SLCO1A2: variants seen among roughly 807,000 people sequenced by gnomAD.
The protein encoded by SLCO1A2 is solute carrier organic anion transporter family member 1A2, also known as OATP-1.
Under a neutral mutation model 69.0 loss-of-function variants are expected in SLCO1A2, and 67 were observed. That is an observed-to-expected ratio of 0.97 (90% CI 0.80 to 1.19). SLCO1A2 has a LOEUF of 1.19. Ranked by LOEUF, SLCO1A2 falls within the 50% of genes most tolerant of loss-of-function variation. SLCO1A2 has a pLI of 0.00. For synonymous variants in SLCO1A2, 260 were observed against 265.9 expected (o/e 0.98, Z 0.22); for missense variants, 787 against 793.7 (o/e 0.99, Z 0.10).
chr12:21,281,344 G>A (rs1944751359), intron 12 of SLCO1A2, among the ~76,000 whole-genome samples: 1 of 152,168 alleles, frequency 6.6e-6, no homozygotes, highest in South Asian at 2.1e-4. Context: ...CAACTTCTCA[G>A]GAGGCTGAGG....
At chr12:21,308,562 T>C (rs1949716087) in intron 4 of SLCO1A2, among the ~76,000 whole-genome samples, 1 of 152,130 alleles carries the variant, frequency 6.6e-6, no homozygotes, top group Admixed American at 6.5e-5. Context: ...CTCCAGAGTC[T>C]GGAGAGGCAC....
At chr12:21,414,356 AGTAGT>A (rs1941958834) in intron 1 of SLCO1A2, among the ~76,000 whole-genome samples, 1 of 151,746 alleles carries the variant, frequency 6.6e-6, no homozygotes, top group African/African-American at 2.4e-5. Context: ...CATGTTGCTA[AGTAGT>A]GTTTTCTTAT....
chr12:21,407,768 C>T (rs1372181387), intron 1 of SLCO1A2, among the ~76,000 whole-genome samples: 1 of 150,976 alleles, frequency 6.6e-6, no homozygotes, highest in Non-Finnish European at 1.5e-5. Flanking sequence ...GATTGTGCTA[C>T]TGTACCCCAA....
intron 2 of SLCO1A2, among the ~76,000 whole-genome samples, chr12:21,327,278 G>A (rs140520099): frequency 1.4e-4 from 21 of 152,292 alleles, no homozygotes; most frequent in African/African-American, 5.1e-4. Flanking sequence ...GAGGTATGCT[G>A]CAGAGGCAGG....
At chr12:21,410,221 A>T (rs1286678745) in intron 1 of SLCO1A2, among the ~76,000 whole-genome samples, 1 of 152,196 alleles carries the variant, frequency 6.6e-6, no homozygotes. Flanking sequence ...TCTTCCGCTT[A>T]TCATTCCCTT....
intron 1 of SLCO1A2, among the ~76,000 whole-genome samples, chr12:21,388,418 A>C (rs1940993485): frequency 6.6e-6 from 1 of 152,102 alleles, no homozygotes; most frequent in African/African-American, 2.4e-5. Context: ...GGTTTTTCCC[A>C]TGCCGTTCTT....
chr12:21,332,510 G>A (rs1272558692), intron 2 of SLCO1A2, among the ~76,000 whole-genome samples: 1 of 152,022 alleles, frequency 6.6e-6, no homozygotes, highest in Non-Finnish European at 1.5e-5. Context: ...AAAGAGAGGA[G>A]GGTATAAAGA....
upstream of SLCO1A2, among the ~76,000 whole-genome samples, chr12:21,336,938 T>C (rs1952910803): frequency 6.6e-6 from 1 of 152,038 alleles, no homozygotes; most frequent in Non-Finnish European, 1.5e-5. Flanking sequence ...ATCATGTTAT[T>C]TCCCTAACTC....
At chr12:21,325,786 CCT>C (rs1952177895) in intron 2 of SLCO1A2, among the ~76,000 whole-genome samples, 1 of 152,148 alleles carries the variant, frequency 6.6e-6, no homozygotes, top group Non-Finnish European at 1.5e-5. Flanking sequence ...TGGGGTGAGT[CCT>C]CTGACTCCCT....
At chr12:21,377,761 A>G (rs1449843519) in intron 1 of SLCO1A2, among the ~76,000 whole-genome samples, 1 of 152,008 alleles carries the variant, frequency 6.6e-6, no homozygotes. Flanking sequence ...CTTGCATAAC[A>G]CTCCTGATTC....
intron 2 of SLCO1A2, among the ~76,000 whole-genome samples, chr12:21,321,302 G>T (rs1951589566): frequency 6.6e-6 from 1 of 152,074 alleles, no homozygotes; most frequent in Admixed American, 6.6e-5. Context: ...TCTTTAGGAA[G>T]TTCATGCTCA....
intron 4 of SLCO1A2, among the ~76,000 whole-genome samples, chr12:21,307,318 A>C (rs1949543139): frequency 6.6e-6 from 1 of 152,226 alleles, no homozygotes; most frequent in African/African-American, 2.4e-5. Flanking sequence ...AAACTTTAAA[A>C]AATGTGACAT....
intron 12 of SLCO1A2, among the ~76,000 whole-genome samples, chr12:21,277,120 C>T (rs1425185306): frequency 2.6e-5 from 4 of 152,082 alleles, no homozygotes; most frequent in Non-Finnish European, 5.9e-5. Context: ...CAGCTTGTGG[C>T]TCCAAAAGAG....
At chr12:21,349,296 ACT>A (rs1337431359) in intron 2 of SLCO1A2, among the ~76,000 whole-genome samples, 2 of 151,858 alleles carry the variant, frequency 1.3e-5, no homozygotes, top group African/African-American at 4.8e-5. Flanking sequence ...AAAGATAGAG[ACT>A]CTTAAGAGCA....
At chr12:21,411,636 T>C (rs1941908537) in intron 1 of SLCO1A2, among the ~76,000 whole-genome samples, 1 of 152,196 alleles carries the variant, frequency 6.6e-6, no homozygotes, top group African/African-American at 2.4e-5. Flanking sequence ...TTTATGACCG[T>C]TACTTACATT....
intron 9 of SLCO1A2, among the ~76,000 whole-genome samples, chr12:21,296,067 G>A (rs948980100): frequency 2.6e-5 from 4 of 152,256 alleles, no homozygotes; most frequent in East Asian, 1.9e-4. Flanking sequence ...TATAGGCAGA[G>A]ATCATGATAA....
chr12:21,291,395 A>G (rs537256006), intron 12 of SLCO1A2, among the ~76,000 whole-genome samples: 1 of 152,340 alleles, frequency 6.6e-6, no homozygotes, highest in Non-Finnish European at 1.5e-5. Context: ...AGGGAATTGA[A>G]TAGAAATAAA....
intron 12 of SLCO1A2, among the ~76,000 whole-genome samples, chr12:21,287,044 A>G (rs1945951244): frequency 7.7e-6 from 1 of 130,234 alleles, no homozygotes; most frequent in South Asian, 2.6e-4. Flanking sequence ...TCTGCACAGC[A>G]AAAGAAACTA....
chr12:21,386,141 G>A (rs967483977), intron 1 of SLCO1A2, among the ~76,000 whole-genome samples: 1 of 152,202 alleles, frequency 6.6e-6, no homozygotes, highest in Admixed American at 6.5e-5. Flanking sequence ...GATACTGAAA[G>A]ATACTATAGT....
Sources: gnomAD v4.1 joint callset for allele counts (sites outside exome capture counted in the v4.1 genomes callset) on GRCh38, gnomAD v4.1.1 for gene constraint, MANE v1.5 for transcripts, NCBI Gene and HGNC (gene_info 2026-07-23, HGNC 2026-07-21) for gene names.